MAST4: variants seen among roughly 807,000 people sequenced by gnomAD.
The protein encoded by MAST4 is microtubule-associated serine/threonine-protein kinase 4.
A neutral mutation model predicts 162.7 loss-of-function variants in MAST4; 89 were observed. The observed-to-expected ratio is 0.55, with a 90% CI of 0.46 to 0.65. The LOEUF is 0.65. MAST4 is among the 30% of genes least tolerant of loss of function. The probability of loss-of-function intolerance (pLI) is 0.00; values close to 1 mark genes in which losing one functional copy is unlikely to be tolerated. For synonymous variants in MAST4, 1,479 were observed against 1,361.1 expected (o/e 1.09, Z -1.91); for missense variants, 3,153 against 3,374.0 (o/e 0.93, Z 1.62).
chr5:66,887,649 A>G (rs1762123703), intron 3 of MAST4, among the ~76,000 whole-genome samples: 1 of 152,160 alleles, frequency 6.6e-6, no homozygotes, highest in South Asian at 2.1e-4. Flanking sequence ...CTAATACTCA[A>G]TTTCCCCATC....
At chr5:67,111,795 G>A (rs945669458) in intron 11 of MAST4, among the ~76,000 whole-genome samples, 4 of 152,112 alleles carry the variant, frequency 2.6e-5, no homozygotes, top group African/African-American at 9.7e-5. Context: ...ACTCATAATC[G>A]GAGGAGAAAA....
chr5:66,746,695 T>TGGTATCAGCAATGGTATCAG (rs1227812071), intron 1 of MAST4, among the ~76,000 whole-genome samples: 1 of 152,202 alleles, frequency 6.6e-6, no homozygotes, highest in Non-Finnish European at 1.5e-5. Context: ...GATGGGGACT[T>TGGTATCAGCAATGGTATCAG]GATGGTATCA....
At chr5:66,870,672 G>A (rs902878930) in intron 3 of MAST4, 10 of 412,896 alleles carry the variant, frequency 2.4e-5, no homozygotes, top group African/African-American at 8.2e-5. Flanking sequence ...ATACAGTGCC[G>A]TTAAACACTG....
At chr5:66,700,932 A>T (rs1047695097) in intron 1 of MAST4, among the ~76,000 whole-genome samples, 1 of 146,682 alleles carries the variant, frequency 6.8e-6, no homozygotes, top group South Asian at 2.3e-4. Flanking sequence ...TAATATTAAT[A>T]TACTGAGATC....
At chr5:66,673,860 C>T (rs1747784224) in intron 1 of MAST4, among the ~76,000 whole-genome samples, 1 of 152,158 alleles carries the variant, frequency 6.6e-6, no homozygotes, top group Non-Finnish European at 1.5e-5. Flanking sequence ...GTTTTAATTT[C>T]CTTCATGGCT....
chr5:67,075,941 TG>T (rs1761591020), intron 5 of MAST4, among the ~76,000 whole-genome samples: 1 of 152,166 alleles, frequency 6.6e-6, no homozygotes, highest in African/African-American at 2.4e-5. Context: ...GAATTCCTAT[TG>T]TAGTAGTCCT....
chr5:67,062,569 A>G (rs1212276880), intron 5 of MAST4, among the ~76,000 whole-genome samples: 2 of 152,194 alleles, frequency 1.3e-5, no homozygotes, highest in African/African-American at 4.8e-5. Context: ...TCATTCAGCA[A>G]GGCAATGACC....
chr5:67,041,696 T>G (rs2150491200), intron 4 of MAST4, among the ~76,000 whole-genome samples: 1 of 152,362 alleles, frequency 6.6e-6, no homozygotes, highest in Admixed American at 6.5e-5. Flanking sequence ...TGGTGCGATC[T>G]CAGCTCACTG....
At chr5:66,680,867 C>T (rs1561258122) in intron 1 of MAST4, among the ~76,000 whole-genome samples, 1 of 152,174 alleles carries the variant, frequency 6.6e-6, no homozygotes, top group Admixed American at 6.5e-5. Flanking sequence ...TCACCTTGAC[C>T]TGGAGCAAGC....
At chr5:66,998,199 C>T (rs1362758700) in intron 4 of MAST4, among the ~76,000 whole-genome samples, 1 of 152,220 alleles carries the variant, frequency 6.6e-6, no homozygotes, top group South Asian at 2.1e-4. Context: ...CAAATTGACA[C>T]TTCTTATAAT....
chr5:66,964,914 G>A (rs1437798262), intron 4 of MAST4, among the ~76,000 whole-genome samples: 1 of 152,160 alleles, frequency 6.6e-6, no homozygotes, highest in Non-Finnish European at 1.5e-5. Flanking sequence ...AATGAATGAC[G>A]AATTTGCCAC....
At chr5:67,067,265 C>T (rs1008486226) in intron 5 of MAST4, among the ~76,000 whole-genome samples, 2 of 152,218 alleles carry the variant, frequency 1.3e-5, no homozygotes, top group Admixed American at 6.5e-5. Flanking sequence ...AAGATCTGGT[C>T]TTTACCTAGC....
At chr5:66,763,735 G>T (rs987753329) in intron 2 of MAST4, among the ~76,000 whole-genome samples, 2 of 151,992 alleles carry the variant, frequency 1.3e-5, no homozygotes, top group African/African-American at 2.4e-5. Flanking sequence ...GTATACAGAC[G>T]GTCCCCCACT....
At chr5:66,606,890 C>A (rs1561208594) in intron 1 of MAST4, among the ~76,000 whole-genome samples, 1 of 148,406 alleles carries the variant, frequency 6.7e-6, no homozygotes. Context: ...TGAATTTACT[C>A]ATTTAAATAT....
intron 1 of MAST4, among the ~76,000 whole-genome samples, chr5:66,607,009 C>T (rs576667505): frequency 1.3e-5 from 2 of 151,554 alleles, no homozygotes; most frequent in South Asian, 2.1e-4. Context: ...TCACACAAGC[C>T]TTTTTGAAAT....
At chr5:67,073,562 A>G (rs1327426060) in intron 5 of MAST4, among the ~76,000 whole-genome samples, 1 of 152,210 alleles carries the variant, frequency 6.6e-6, no homozygotes. Flanking sequence ...AATGACCCCA[A>G]GGTACATCTA....
intron 3 of MAST4, among the ~76,000 whole-genome samples, chr5:66,852,130 A>C (rs576101612): frequency 6.6e-6 from 1 of 152,316 alleles, no homozygotes; most frequent in Admixed American, 6.5e-5. Context: ...TGTAATCCTC[A>C]AAATAGCTAG....
rs1012093089 is a variant in MAST4 at position 66,722,861 on chromosome 5, G to A, written c.364-36848G>A. On this transcript the variant is annotated intron_variant, in intron 1 of 28. Coordinates refer to ENST00000403625, the MANE Select transcript of MAST4 (RefSeq NM_001164664.2). ...GGGGAGAGATACCCTCCTTACTTCC[G>A]AGTCAGAGTCTAAGGCGGAGAACGG... Among the ~76,000 whole-genome samples, 5 of 152,156 alleles carry A rather than the reference G, an allele frequency of 3.3e-5. 1 individual carries two copies. The East Asian group carries it at 5.8e-4, about 18-fold the overall frequency.
At chr5:66,817,231 C>T (rs907123836) in intron 3 of MAST4, among the ~76,000 whole-genome samples, 6 of 152,114 alleles carry the variant, frequency 3.9e-5, no homozygotes, top group African/African-American at 1.4e-4. Flanking sequence ...GCTTTTGAAT[C>T]AAGGGGATAA....
Sources: allele counts gnomAD v4.1 joint callset (sites outside exome capture counted in the v4.1 genomes callset), GRCh38; gene constraint gnomAD v4.1.1; transcripts MANE v1.5; gene names NCBI Gene and HGNC (gene_info 2026-07-23, HGNC 2026-07-21).